SULT2B1: variants seen among roughly 807,000 people sequenced by gnomAD.
SULT2B1 encodes the protein sulfotransferase 2B1.
In SULT2B1, 16 loss-of-function variants were observed where a neutral mutation model predicts 33.2. The observed-to-expected ratio is 0.48, with a 90% CI of 0.33 to 0.73. The LOEUF (loss-of-function observed/expected upper bound fraction) is 0.73, where lower values mean the gene tolerates loss of function less well. Among genes scored for constraint, SULT2B1 ranks in the 30% least tolerant of loss-of-function variants. The probability of loss-of-function intolerance (pLI) is 0.02; values close to 1 mark genes in which losing one functional copy is unlikely to be tolerated. For missense variants in SULT2B1, 500 were observed against 506.0 expected (o/e 0.99, Z 0.11); for synonymous variants, 186 against 200.5 (o/e 0.93, Z 0.61).
intron 5 of SULT2B1, among the ~76,000 whole-genome samples, chr19:48,594,541 T>C (rs1385285083): frequency 6.6e-6 from 1 of 152,186 alleles, no homozygotes; most frequent in Non-Finnish European, 1.5e-5. Flanking sequence ...CCACAGAGCC[T>C]AACAGCTTCT....
At chr19:48,587,684 G>C (rs1430176848) in intron 3 of SULT2B1, among the ~76,000 whole-genome samples, 1 of 151,798 alleles carries the variant, frequency 6.6e-6, no homozygotes, top group African/African-American at 2.4e-5. Flanking sequence ...TTTGGGCCAG[G>C]AGTTTGAGAC....
chr19:48,559,449 C>T (rs1379685036), intron 1 of SULT2B1, among the ~76,000 whole-genome samples: 1 of 152,164 alleles, frequency 6.6e-6, no homozygotes, highest in Non-Finnish European at 1.5e-5. Context: ...TAGCTCACTG[C>T]AACCTCCGCC....
At chr19:48,567,391 G>C (rs2665603) in intron 1 of SULT2B1, among the ~76,000 whole-genome samples, 20,464 of 151,830 alleles carry the variant, frequency 0.13, 1,516 homozygotes, top group African/African-American at 0.17. Flanking sequence ...GAGAAATCCC[G>C]TCTCTACTAA....
intron 1 of SULT2B1, among the ~76,000 whole-genome samples, chr19:48,561,455 AAAAT>A (rs774455999): frequency 9.3e-4 from 128 of 138,170 alleles, no homozygotes; most frequent in Non-Finnish European, 1.6e-3. Flanking sequence ...ATAGATAGAT[AAAAT>A]AAATAAATTA....
chr19:48,576,232 G>A (rs1445094055), intron 2 of SULT2B1, 149 bp downstream of exon 2: 1 of 662,926 alleles, frequency 1.5e-6, no homozygotes, highest in African/African-American at 1.8e-5. Flanking sequence ...TAGCCTCCCA[G>A]GGATACCCAC....
intron 3 of SULT2B1, among the ~76,000 whole-genome samples, chr19:48,587,975 A>G (rs113393319): frequency 6.8e-5 from 10 of 148,138 alleles, no homozygotes; most frequent in African/African-American, 2.5e-4. Context: ...TTTGGGAGGC[A>G]GAGGCAGGCA....
chr19:48,594,087 C>T (rs943949221), intron 5 of SULT2B1, among the ~76,000 whole-genome samples: 9 of 151,298 alleles, frequency 5.9e-5, no homozygotes, highest in South Asian at 2.1e-4. Context: ...GGTGAAACCC[C>T]GTCTCTGCTA....
chr19:48,589,547 G>C (rs143971777), intron 3 of SULT2B1, among the ~76,000 whole-genome samples: 1 of 152,176 alleles, frequency 6.6e-6, no homozygotes, highest in Non-Finnish European at 1.5e-5. Flanking sequence ...GAGAGGGGGG[G>C]CTGCAATCAG....
At chr19:48,555,747 GT>G (rs368424505) in intron 1 of SULT2B1, among the ~76,000 whole-genome samples, 3 of 149,718 alleles carry the variant, frequency 2.0e-5, no homozygotes, top group African/African-American at 4.9e-5. Context: ...GCTAATTTTT[GT>G]TTTTTTTTGG....
intron 4 of SULT2B1, among the ~76,000 whole-genome samples, chr19:48,592,349 CAGAG>C (rs1973653967): frequency 6.6e-6 from 1 of 151,642 alleles, no homozygotes; most frequent in African/African-American, 2.4e-5. Flanking sequence ...GAGATGGAGT[CAGAG>C]AGAGACAGGG....
chr19:48,577,315 A>G (rs1052840901), intron 2 of SULT2B1, among the ~76,000 whole-genome samples: 1 of 136,308 alleles, frequency 7.3e-6, no homozygotes, highest in Non-Finnish European at 1.5e-5. Context: ...TTGGCCTCCC[A>G]AAGTGTTGGG....
intron 6 of SULT2B1, among the ~76,000 whole-genome samples, 167 bp downstream of exon 6, chr19:48,597,086 C>T (rs1295328715): frequency 6.6e-6 from 1 of 152,188 alleles, no homozygotes; most frequent in African/African-American, 2.4e-5. Context: ...AGCACTGACT[C>T]AGCACACGTG....
chr19:48,554,845 C>T (rs946075984), intron 1 of SULT2B1, among the ~76,000 whole-genome samples: 4 of 151,208 alleles, frequency 2.6e-5, no homozygotes, highest in African/African-American at 9.7e-5. Context: ...GAGATGAGGC[C>T]CAGAGAGGTT....
chr19:48,584,007 G>A (rs748749789), intron 2 of SULT2B1, among the ~76,000 whole-genome samples: 16 of 151,988 alleles, frequency 1.1e-4, no homozygotes, highest in Admixed American at 1.1e-3. Context: ...AGCTATTCGG[G>A]AAGCTGAGGC....
intron 1 of SULT2B1, among the ~76,000 whole-genome samples, chr19:48,558,674 CTTTTCTT>C (rs1973135511): frequency 7.5e-6 from 1 of 133,244 alleles, no homozygotes; most frequent in Non-Finnish European, 1.6e-5. Flanking sequence ...TTTTTCTTTT[CTTTTCTT>C]TTTTTTTTTT....
chr19:48,596,429 G>GC (rs1445801077), intron 5 of SULT2B1: 2 of 180,598 alleles, frequency 1.1e-5, no homozygotes, highest in African/African-American at 3.1e-5. Context: ...TGTGACCTCT[G>GC]CCCCCCACTG....
At chr19:48,576,357 C>CTTTTTTTTTTT (rs59055065) in intron 2 of SULT2B1, among the ~76,000 whole-genome samples, 22 of 114,842 alleles carry the variant, frequency 1.9e-4, no homozygotes, top group Non-Finnish European at 3.3e-4. Context: ...CCCTCTACTT[C>CTTTTTTTTTTT]TCTTTTTTTT....
chr19:48,579,614 T>C (rs1973459552), intron 2 of SULT2B1, among the ~76,000 whole-genome samples: 1 of 142,740 alleles, frequency 7.0e-6, no homozygotes, highest in Non-Finnish European at 1.5e-5. Context: ...TCTTTTTTTT[T>C]TTTTTTTTTG....
chr19:48,554,298 C>T (rs1298268290), intron 1 of SULT2B1, among the ~76,000 whole-genome samples: 1 of 150,194 alleles, frequency 6.7e-6, no homozygotes, highest in African/African-American at 2.5e-5. Context: ...AGATACGCCA[C>T]GTACCCCCCC....
Sources: allele counts gnomAD v4.1 joint callset (sites outside exome capture counted in the v4.1 genomes callset), GRCh38; gene constraint gnomAD v4.1.1; transcripts MANE v1.5; gene names NCBI Gene and HGNC (gene_info 2026-07-23, HGNC 2026-07-21).